Variants in KCNH5 observed in about 807,000 individuals in gnomAD.
KCNH5 encodes the protein voltage-gated delayed rectifier potassium channel KCNH5.
A neutral mutation model predicts 96.1 loss-of-function variants in KCNH5; 46 were observed. That is an observed-to-expected ratio of 0.48 (90% CI 0.38 to 0.61). KCNH5 has a LOEUF of 0.61. Ranked by LOEUF, KCNH5 falls within the 20% of genes least tolerant of loss-of-function variation. The pLI is 0.00. For synonymous variants in KCNH5, 439 were observed against 449.8 expected (o/e 0.98, Z 0.30); for missense variants, 907 against 1,225.8 (o/e 0.74, Z 3.88).
At chr14:62,750,900 G>C (rs143452404) in intron 10 of KCNH5, among the ~76,000 whole-genome samples, 250 of 152,180 alleles carry the variant, frequency 1.6e-3, no homozygotes, top group African/African-American at 5.1e-3. Flanking sequence ...TGTTTCCCTG[G>C]TGCACAAAGC....
intron 2 of KCNH5, among the ~76,000 whole-genome samples, chr14:63,014,755 G>T (rs1320364746): frequency 1.3e-5 from 2 of 152,140 alleles, no homozygotes; most frequent in Non-Finnish European, 2.9e-5. Flanking sequence ...AGTCAGAGAA[G>T]GGAAAAACCT....
chr14:62,806,757 T>A (rs1180053773), intron 8 of KCNH5, among the ~76,000 whole-genome samples: 1 of 151,974 alleles, frequency 6.6e-6, no homozygotes, highest in East Asian at 1.9e-4. Context: ...AGGGTTAGAG[T>A]CCCTTCTAAG....
At chr14:63,026,719 T>C (rs1196780925) in intron 1 of KCNH5, among the ~76,000 whole-genome samples, 1 of 151,938 alleles carries the variant, frequency 6.6e-6, no homozygotes, top group Non-Finnish European at 1.5e-5. Flanking sequence ...CTGACCAAGA[T>C]GCCAAGAAAT....
chr14:63,044,878 C>T (rs1891892945), intron 1 of KCNH5, among the ~76,000 whole-genome samples: 1 of 152,196 alleles, frequency 6.6e-6, no homozygotes, highest in Non-Finnish European at 1.5e-5. Context: ...GTTCTGGGCT[C>T]TGGACAGGTG....
intron 10 of KCNH5, among the ~76,000 whole-genome samples, chr14:62,755,103 C>T (rs1885592249): frequency 6.6e-6 from 1 of 151,378 alleles, no homozygotes; most frequent in Non-Finnish European, 1.5e-5. Context: ...GAATAATAAA[C>T]ATCACAGCAG....
intron 10 of KCNH5, among the ~76,000 whole-genome samples, chr14:62,771,251 T>G (rs1241767230): frequency 6.6e-6 from 1 of 152,204 alleles, no homozygotes; most frequent in African/African-American, 2.4e-5. Context: ...CCAAGCAGAC[T>G]AATACAAGGG....
At chr14:62,772,775 A>G (rs753016644) in intron 10 of KCNH5, among the ~76,000 whole-genome samples, 2 of 152,194 alleles carry the variant, frequency 1.3e-5, no homozygotes, top group Non-Finnish European at 2.9e-5. Context: ...CAGCAAGACA[A>G]TATTACTAAA....
intron 9 of KCNH5, among the ~76,000 whole-genome samples, chr14:62,793,331 G>T (rs923907162): frequency 1.3e-5 from 2 of 151,774 alleles, no homozygotes; most frequent in African/African-American, 4.8e-5. Context: ...ACAGAAGAAA[G>T]CTATGGGAGT....
At chr14:62,883,110 G>C (rs1328679724) in intron 7 of KCNH5, among the ~76,000 whole-genome samples, 1 of 152,172 alleles carries the variant, frequency 6.6e-6, no homozygotes, top group Admixed American at 6.5e-5. Flanking sequence ...TCTTCTAATA[G>C]AGTTGCACTC....
intron 1 of KCNH5, among the ~76,000 whole-genome samples, chr14:63,039,677 T>A (rs1566550817): frequency 6.6e-6 from 1 of 152,182 alleles, no homozygotes; most frequent in Non-Finnish European, 1.5e-5. Flanking sequence ...TGTATTTAAA[T>A]CCATCTCTTT....
intron 10 of KCNH5, among the ~76,000 whole-genome samples, chr14:62,767,057 C>G (rs916969840): frequency 6.7e-6 from 1 of 149,540 alleles, no homozygotes; most frequent in Non-Finnish European, 1.5e-5. Context: ...ATGCAGCCAA[C>G]AAGCATATGG....
intron 1 of KCNH5, among the ~76,000 whole-genome samples, chr14:63,033,184 T>C (rs1473248305): frequency 6.6e-6 from 1 of 152,190 alleles, no homozygotes; most frequent in Non-Finnish European, 1.5e-5. Context: ...AAGTAGCTTT[T>C]GGGACTATGA....
chr14:62,878,344 T>C (rs1185916285), intron 7 of KCNH5, among the ~76,000 whole-genome samples: 2 of 151,796 alleles, frequency 1.3e-5, no homozygotes, highest in African/African-American at 4.8e-5. Flanking sequence ...ACTTAAAGTA[T>C]ATTAATAATA....
chr14:62,832,112 C>T (rs755182637), intron 8 of KCNH5, among the ~76,000 whole-genome samples: 47 of 152,034 alleles, frequency 3.1e-4, no homozygotes, highest in Non-Finnish European at 5.6e-4. Flanking sequence ...TCATAAAAAT[C>T]GTCTATATAT....
At chr14:62,821,112 G>T (rs563126090) in intron 8 of KCNH5, among the ~76,000 whole-genome samples, 116 of 148,916 alleles carry the variant, frequency 7.8e-4, no homozygotes, top group African/African-American at 2.7e-3. Flanking sequence ...TGTTAAATTT[G>T]CAAGAAAAAA....
intron 7 of KCNH5, among the ~76,000 whole-genome samples, chr14:62,882,278 G>T (rs1261407122): frequency 6.6e-6 from 1 of 151,814 alleles, no homozygotes; most frequent in African/African-American, 2.4e-5. Flanking sequence ...AAAAAAGAAA[G>T]AAAAAACTGA....
chr14:62,869,533 A>G (rs1313990054), intron 7 of KCNH5, among the ~76,000 whole-genome samples: 1 of 152,052 alleles, frequency 6.6e-6, no homozygotes, highest in South Asian at 2.1e-4. Flanking sequence ...GCTCTTTTAA[A>G]TAGATCTCAT....
At chr14:62,777,932 C>G (rs1441910446) in intron 10 of KCNH5, among the ~76,000 whole-genome samples, 2 of 152,050 alleles carry the variant, frequency 1.3e-5, no homozygotes, top group African/African-American at 4.8e-5. Context: ...TCCATTGTCC[C>G]TCCTTGGCCC....
rs1420494783 is a variant in KCNH5 at position 62,997,405 on chromosome 14, G to A, written c.433+3926C>T. 6.6e-5 allele frequency among the ~76,000 whole-genome samples: 10 copies of A among 152,230 alleles called. No homozygotes were observed. The East Asian group carries it at 1.9e-3, about 29-fold the overall frequency. On this transcript the variant is annotated intron_variant, in intron 4 of 10. Coordinates refer to ENST00000322893, the MANE Select transcript of KCNH5 (RefSeq NM_139318.5). ...CCCCTCTATTCAAACTTTACTGAGAGTTTTTATCATGAACAAGTGCTGGAT... is the reference window on the plus strand; with the variant it reads ...CCCCTCTATTCAAACTTTACTGAGAATTTTTATCATGAACAAGTGCTGGAT...
Sources: gnomAD v4.1 joint callset for allele counts (sites outside exome capture counted in the v4.1 genomes callset) on GRCh38, gnomAD v4.1.1 for gene constraint, MANE v1.5 for transcripts, NCBI Gene and HGNC (gene_info 2026-07-23, HGNC 2026-07-21) for gene names.